The following DAB1 variants were observed in gnomAD, a reference collection of about 807,000 sequenced individuals.
DAB1 encodes DAB adaptor protein 1.
In DAB1, 15 loss-of-function variants were observed where a neutral mutation model predicts 64.6. That is an observed-to-expected ratio of 0.23 (90% CI 0.16 to 0.36). DAB1 has a LOEUF of 0.36. Ranked by LOEUF, DAB1 falls within the 10% of genes least tolerant of loss-of-function variation. DAB1 has a pLI of 1.00. For missense variants in DAB1, 596 were observed against 706.7 expected (o/e 0.84, Z 1.78); for synonymous variants, 235 against 251.9 (o/e 0.93, Z 0.64).
chr1:57,383,541 T>G (rs71642118), intron 1 of DAB1, among the ~76,000 whole-genome samples: 3,118 of 152,204 alleles, frequency 0.02, 41 homozygotes, highest in South Asian at 0.042. Context: ...ATGAAAACAG[T>G]GTGGTGCTGG....
chr1:57,507,146 G>A (rs944646267), intron 7 of DAB1, among the ~76,000 whole-genome samples: 2 of 152,070 alleles, frequency 1.3e-5, no homozygotes, highest in African/African-American at 2.4e-5. Flanking sequence ...TTAGCTTACC[G>A]TTCAAGGCCC....
intron 4 of DAB1, among the ~76,000 whole-genome samples, chr1:58,264,745 G>A (rs910746080): frequency 1.4e-4 from 21 of 152,142 alleles, no homozygotes; most frequent in African/African-American, 5.1e-4. Flanking sequence ...AACTAATCAC[G>A]TGGCACCATC....
intron 4 of DAB1, among the ~76,000 whole-genome samples, chr1:58,154,047 T>A (rs986724458): frequency 4.0e-5 from 6 of 151,802 alleles, no homozygotes; most frequent in Non-Finnish European, 8.8e-5. Flanking sequence ...ACTCAAATAG[T>A]CAGCGATTCC....
chr1:57,929,962 A>G (rs956103238), intron 5 of DAB1, among the ~76,000 whole-genome samples: 2 of 152,206 alleles, frequency 1.3e-5, no homozygotes, highest in African/African-American at 4.8e-5. Flanking sequence ...TGGGGACTAA[A>G]TTTCAACTTG....
intron 4 of DAB1, among the ~76,000 whole-genome samples, chr1:58,329,098 T>C (rs1662913571): frequency 6.6e-6 from 1 of 152,256 alleles, no homozygotes. Flanking sequence ...TTTTTAGAAA[T>C]ATATTCTTTG....
intron 7 of DAB1, among the ~76,000 whole-genome samples, chr1:57,547,650 A>G (rs1644870551): frequency 6.6e-6 from 1 of 152,202 alleles, no homozygotes; most frequent in Non-Finnish European, 1.5e-5. Context: ...ACAAACAAAT[A>G]TGCACATAAA....
intron 5 of DAB1, among the ~76,000 whole-genome samples, chr1:58,044,970 G>A (rs1002437230): frequency 6.6e-6 from 1 of 152,096 alleles, no homozygotes; most frequent in African/African-American, 2.4e-5. Context: ...AGCTAATAGA[G>A]GGATGCTAGG....
intron 3 of DAB1, among the ~76,000 whole-genome samples, chr1:58,447,262 C>T (rs1353282665): frequency 6.6e-6 from 1 of 152,120 alleles, no homozygotes; most frequent in Non-Finnish European, 1.5e-5. Flanking sequence ...GCACCGGCTC[C>T]TGAGGGGATG....
chr1:57,121,173 A>AGAAGGAGGT (rs1656618385), intron 4 of DAB1, among the ~76,000 whole-genome samples: 2 of 150,494 alleles, frequency 1.3e-5, no homozygotes, highest in Non-Finnish European at 3.0e-5. Flanking sequence ...GAGAAGGAGG[A>AGAAGGAGGT]GAAGGAGAAG....
At chr1:57,864,695 T>C (rs910573015) in intron 1 of DAB1, 5 of 150,592 alleles carry the variant, frequency 3.3e-5, no homozygotes, top group African/African-American at 7.3e-5. Context: ...TATTTATTTA[T>C]TTATATTATA....
chr1:58,441,758 C>G (rs543303748), intron 3 of DAB1, among the ~76,000 whole-genome samples: 5 of 152,168 alleles, frequency 3.3e-5, no homozygotes, highest in Admixed American at 6.5e-5. Flanking sequence ...CCCTTTTAGA[C>G]GGCCAGCTTC....
At chr1:57,586,785 T>C (rs1645386074) in intron 7 of DAB1, among the ~76,000 whole-genome samples, 1 of 147,844 alleles carries the variant, frequency 6.8e-6, no homozygotes. Flanking sequence ...TCCTTGACTT[T>C]GCAAACTCCT....
chr1:58,377,488 AAGAATGTTGAATAT>A (rs1644339861), intron 3 of DAB1, among the ~76,000 whole-genome samples: 1 of 136,632 alleles, frequency 7.3e-6, no homozygotes, highest in Non-Finnish European at 1.6e-5. Flanking sequence ...TCTTTTCTTT[AAGAATGTTGAATAT>A]TGGCCCCCAC....
At chr1:57,037,583 G>T (rs896790665) in intron 9 of DAB1, among the ~76,000 whole-genome samples, 1 of 152,210 alleles carries the variant, frequency 6.6e-6, no homozygotes, top group Non-Finnish European at 1.5e-5. Flanking sequence ...CACTAAGGTG[G>T]GTACTATTAA....
At chr1:58,037,359 C>T (rs1216232597) in intron 5 of DAB1, among the ~76,000 whole-genome samples, 1 of 152,154 alleles carries the variant, frequency 6.6e-6, no homozygotes, top group East Asian at 1.9e-4. Context: ...TCCCTTACGG[C>T]AGGGGTCCCC....
intron 1 of DAB1, among the ~76,000 whole-genome samples, chr1:57,380,480 T>A (rs1284609833): frequency 6.6e-6 from 1 of 152,198 alleles, no homozygotes; most frequent in Non-Finnish European, 1.5e-5. Flanking sequence ...ATTGAAGGGT[T>A]TTCCTTAAAG....
intron 14 of DAB1, among the ~76,000 whole-genome samples, chr1:56,999,031 G>T (rs1320436907): frequency 2.6e-5 from 4 of 152,160 alleles, no homozygotes; most frequent in African/African-American, 9.7e-5. Context: ...TTGGAGGTCT[G>T]TGCCAGAATT....
intron 6 of DAB1, among the ~76,000 whole-genome samples, chr1:57,693,323 G>C (rs1277755440): frequency 6.6e-6 from 1 of 152,102 alleles, no homozygotes; most frequent in Non-Finnish European, 1.5e-5. Flanking sequence ...GGTCAAGTGG[G>C]GATTTAGAGA....
intron 3 of DAB1, among the ~76,000 whole-genome samples, chr1:58,373,210 T>C (rs568504806): frequency 3.5e-4 from 53 of 150,970 alleles, no homozygotes; most frequent in African/African-American, 1.3e-3. Context: ...TTAGGGTACA[T>C]GTGCACATTG....
Sources: gnomAD v4.1 joint callset for allele counts (sites outside exome capture counted in the v4.1 genomes callset) on GRCh38, gnomAD v4.1.1 for gene constraint, MANE v1.5 for transcripts, NCBI Gene and HGNC (gene_info 2026-07-23, HGNC 2026-07-21) for gene names.